The following COL28A1 variants were observed in gnomAD, a reference collection of about 807,000 sequenced individuals.
COL28A1 encodes the protein collagen alpha-1(XXVIII) chain.
A neutral mutation model predicts 150.2 loss-of-function variants in COL28A1; 161 were observed. The ratio of observed to expected loss-of-function variants is 1.07; its 90% CI spans 0.94 to 1.22. The LOEUF (loss-of-function observed/expected upper bound fraction) is 1.22. Ranked by LOEUF, COL28A1 falls within the 50% of genes most tolerant of loss-of-function variation. COL28A1 has a pLI of 0.00. For synonymous variants in COL28A1, 552 were observed against 469.7 expected (o/e 1.18, Z -2.26); for missense variants, 1,617 against 1,388.3 (o/e 1.16, Z -2.62).
chr7:7,345,303 TA>T, the COL28A1 span, among the ~76,000 whole-genome samples: 1 of 152,026 alleles, frequency 6.6e-6, no homozygotes, highest in African/African-American at 2.4e-5. Context: ...GCATACAGAA[TA>T]TAATGGAAAC....
Position 7,532,760 on chromosome 7 carries a change from TCAC to T in COL28A1, c.113_115del (p.Ser38_Asp39delinsAsn). On this transcript the variant is annotated inframe_deletion, in exon 2 of 35. Transcript: ENST00000399429. Reference sequence around the variant, plus strand: ...AATTTTTTTTTTTTTACCCTGGACATCACTTTTCCTTGCAAGCAAATTTGATTT... The same window carrying T: ...AATTTTTTTTTTTTTACCCTGGACATTTTTCCTTGCAAGCAAATTTGATTT... 6.2e-7 allele frequency: 1 copy of T among 1,608,918 alleles called. No homozygotes were observed. The highest frequency in any genetic ancestry group is 1.3e-5 in the African/African-American group (1 of 74,676).
rs766562168 is a variant in COL28A1 at position 7,358,143 on chromosome 7, T to G, written c.*490A>C. 1 of 152,360 alleles carries G rather than the reference T, an allele frequency of 6.6e-6. No individual in the cohort carries two copies. The highest frequency in any genetic ancestry group is 1.5e-5 in the Non-Finnish European group (1 of 68,162). 9.4% of individuals were successfully genotyped at this position (152,360 alleles called of 1,614,324 possible). A position where few individuals can be genotyped will look rare whatever the true frequency, so the allele number is the denominator to read the frequency against. ...ATCCCGACTCCTATCCCAGCACTCC[T>G]GCGTAAACATTTACATCATTTCTAA... On this transcript the variant is annotated 3_prime_UTR_variant, in exon 35 of 35. Coordinates refer to ENST00000399429, the MANE Select transcript of COL28A1 (RefSeq NM_001037763.3).
chr7:7,538,964 T>TTTTC (rs962222839), upstream of COL28A1, among the ~76,000 whole-genome samples: 3 of 152,142 alleles, frequency 2.0e-5, no homozygotes, highest in African/African-American at 7.2e-5. Flanking sequence ...CTTTTTTTCT[T>TTTTC]TTTCTTTCTT....
the COL28A1 span, among the ~76,000 whole-genome samples, chr7:7,338,261 G>A: frequency 6.6e-6 from 1 of 151,674 alleles, no homozygotes; most frequent in Non-Finnish European, 1.5e-5. Context: ...GTAGTTTGGC[G>A]GCAATCTGTA....
Position 7,370,737 on chromosome 7 carries a change from T to C in COL28A1, c.3054A>G (p.Glu1018=). 6.2e-7 allele frequency: 1 copy of C among 1,610,652 alleles called. No homozygotes were observed. Among genetic ancestry groups the C allele is most frequent in the Non-Finnish European group, 8.5e-7 (1 of 1,178,914 alleles). ...LSESTPEPQK[E]ISESLSVTRD... The stretch of plus-strand genomic sequence containing the variant: ...GACAGTTACTTACTGACTCAGAAAT[T>C]TCTTTTTGAGGCTCTGGAGTAGATT... The change falls in exon 33 of 35, where the codon GAA becomes GAG. Residue 1018 remains glutamate, a synonymous_variant. Coordinates refer to ENST00000399429, the MANE Select transcript of COL28A1 (RefSeq NM_001037763.3).
At chr7:7,522,010 G>C in intron 4 of COL28A1, 49 bp from the exon 5 acceptor site, 1 of 843,492 alleles carries the variant, frequency 1.2e-6, no homozygotes, top group East Asian at 2.4e-5. Flanking sequence ...AATTCAAATT[G>C]TATGCAGCAT....
In COL28A1 at chr7:7,515,856, A is replaced by T; in HGVS notation, c.856-16T>A. 2.1e-6 allele frequency: 2 copies of T among 964,296 alleles called. No homozygotes were observed. The allele number at this position is 964,296 out of a possible 1,614,324, so 59.7% of individuals were successfully genotyped here. ...CAGGAATTCCCTAATTTAAAAAGAA[A>T]ATAAAAAGTAAAATATGATACTCTG... On this transcript the variant is annotated splice_polypyrimidine_tract_variant and intron_variant, in intron 7 of 34. Coordinates refer to ENST00000399429, the MANE Select transcript of COL28A1 (RefSeq NM_001037763.3).
intron 27 of COL28A1, among the ~76,000 whole-genome samples, chr7:7,393,022 C>A (rs531693954): frequency 3.9e-5 from 6 of 152,166 alleles, no homozygotes; most frequent in African/African-American, 1.2e-4. Context: ...CCCTTGCTGG[C>A]GAGGAGTTGT....
intron 27 of COL28A1, among the ~76,000 whole-genome samples, chr7:7,385,933 T>C (rs1230037529): frequency 6.6e-6 from 1 of 152,236 alleles, no homozygotes; most frequent in Admixed American, 6.5e-5. Context: ...ATGTCTGATC[T>C]TGGCAGAGGT....
intron 3 of COL28A1, among the ~76,000 whole-genome samples, chr7:7,530,954 G>A (rs1010602675): frequency 1.3e-5 from 2 of 152,192 alleles, no homozygotes; most frequent in African/African-American, 4.8e-5. Context: ...CTGTACAGAT[G>A]TGGAATGGGA....
intron 3 of COL28A1, among the ~76,000 whole-genome samples, chr7:7,530,122 T>A (rs530295107): frequency 6.6e-6 from 1 of 152,334 alleles, no homozygotes; most frequent in East Asian, 1.9e-4. Flanking sequence ...CCTCTCTCAA[T>A]ATGCCTTTAT....
Position 7,531,569 on chromosome 7 carries a change from T to G in COL28A1, c.460A>C (p.Lys154Gln). 6.2e-7 allele frequency: 1 copy of G among 1,606,676 alleles called. No homozygotes were observed. Among genetic ancestry groups the G allele is most frequent in the African/African-American group, 1.3e-5 (1 of 74,922 alleles). Residue 154 changes from lysine (K) to glutamine (Q), a missense_variant, in exon 3 of 35, where the codon AAA becomes CAA. By Grantham distance (53) the Lys-to-Gln change is moderately conservative. Transcript: ENST00000399429. ...LKREGRKDGV[K>Q]VVLLMTDGID... ...CCATCAGTCATCAGCAAAACCACTT[T>G]CACACCATCCTTACGCCCTTCTCTC...
chr7:7,343,449 T>C, the COL28A1 span, among the ~76,000 whole-genome samples: 1 of 152,078 alleles, frequency 6.6e-6, no homozygotes, highest in African/African-American at 2.4e-5. Context: ...TTCTGAATGA[T>C]TTTCCAGTTT....
At chr7:7,345,070 G>C in the COL28A1 span, among the ~76,000 whole-genome samples, 1 of 151,800 alleles carries the variant, frequency 6.6e-6, no homozygotes, top group Non-Finnish European at 1.5e-5. Context: ...GGTGGGGGGC[G>C]TTCTCTTTTG....
Position 7,440,877 on chromosome 7 carries a change from T to A in COL28A1, c.1651-16A>T. On this transcript the variant is annotated splice_polypyrimidine_tract_variant and intron_variant, in intron 20 of 34. Transcript: ENST00000399429. ...CTTCGTCACCCTAACAAAATAATTATGAAAATATAGATTTTCGTATGGTAT... is the reference window on the plus strand; with the variant it reads ...CTTCGTCACCCTAACAAAATAATTAAGAAAATATAGATTTTCGTATGGTAT... 7.5e-6 allele frequency: 10 copies of A among 1,335,038 alleles called. No homozygotes were observed. The highest frequency in any genetic ancestry group is 1.1e-5 in the Non-Finnish European group (10 of 926,212). 82.7% of individuals were successfully genotyped at this position (1,335,038 alleles called of 1,614,324 possible).
chr7:7,338,364 T>C, the COL28A1 span, among the ~76,000 whole-genome samples: 93,343 of 152,030 alleles, frequency 0.61, 32,772 homozygotes, highest in East Asian at 0.88. Flanking sequence ...TCATCTCTGC[T>C]TTCTGTCAGC....
At chr7:7,419,630 C>A (rs1226578441) in intron 26 of COL28A1, among the ~76,000 whole-genome samples, 3 of 152,316 alleles carry the variant, frequency 2.0e-5, no homozygotes, top group Admixed American at 2.0e-4. Context: ...CTAAGAAACC[C>A]AGAAATGTTC....
chr7:7,359,077 A>C (rs1220672753), intron 34 of COL28A1, among the ~76,000 whole-genome samples: 1 of 152,126 alleles, frequency 6.6e-6, no homozygotes, highest in Non-Finnish European at 1.5e-5. Flanking sequence ...ATTTCCCTGA[A>C]AGCCTAAGTG....
At chr7:7,514,013 C>T (rs898327908) in intron 8 of COL28A1, among the ~76,000 whole-genome samples, 9 of 152,122 alleles carry the variant, frequency 5.9e-5, no homozygotes, top group East Asian at 5.8e-4. Context: ...GTTTGAATGT[C>T]GATGGTTCAG....
Sources: allele counts gnomAD v4.1 joint callset (sites outside exome capture counted in the v4.1 genomes callset), GRCh38; gene constraint gnomAD v4.1.1; transcripts MANE v1.5; gene names NCBI Gene and HGNC (gene_info 2026-07-23, HGNC 2026-07-21).